Variants in LAMA1 observed in about 807,000 individuals in gnomAD.
The protein encoded by LAMA1 is laminin subunit alpha 1, also known as laminin subunit alpha-1.
LAMA1 carries 219 observed loss-of-function variants against 348.7 expected under a neutral mutation model. The observed-to-expected ratio is 0.63, with a 90% CI of 0.56 to 0.70. The LOEUF is 0.70. Ranked by LOEUF, LAMA1 falls within the 30% of genes least tolerant of loss-of-function variation. LAMA1 has a pLI of 0.00. For missense variants in LAMA1, 3,744 were observed against 3,888.0 expected (o/e 0.96, Z 0.99); for synonymous variants, 1,487 against 1,491.0 (o/e 1.00, Z 0.06).
At position 6,986,219 on chromosome 18, in the gene LAMA1, G is replaced by A. The variant is rs772645456; in HGVS notation, c.5297C>T (p.Ala1766Val). 9.9e-6 allele frequency: 16 copies of A among 1,614,040 alleles called. No homozygotes were observed. Among genetic ancestry groups the A allele is most frequent in the South Asian group, 2.2e-5 (2 of 91,088 alleles). The change falls in exon 37 of 63, where the codon GCG becomes GTG. Residue 1766 changes from alanine to valine, a missense_variant. Ala to Val is a moderately conservative substitution (Grantham distance 64). Around this residue, in one of 3 missense-constraint regions of LAMA1, gnomAD observed 1,983 missense variants for 1,934.3 expected, o/e 1.03. Coordinates refer to ENST00000389658, the MANE Select transcript of LAMA1 (RefSeq NM_005559.4). ...KHNNELKAAE[A>V]LVREAEAKMQ... ...CTTTGCCTCAGCTTCCCTCACGAGC[G>A]CCTCAGCCGCCTTTAGTTCATTGTT...
At chr18:7,027,963 A>G (rs1418288394) in intron 16 of LAMA1, among the ~76,000 whole-genome samples, 1 of 152,168 alleles carries the variant, frequency 6.6e-6, no homozygotes, top group Non-Finnish European at 1.5e-5. Context: ...CAAAAAAGCT[A>G]TTATAAGCAT....
intron 3 of LAMA1, among the ~76,000 whole-genome samples, chr18:7,073,654 G>A (rs1238478179): frequency 6.6e-6 from 1 of 152,144 alleles, no homozygotes; most frequent in Non-Finnish European, 1.5e-5. Flanking sequence ...CCATTCACCT[G>A]TTGATGGTTG....
At chr18:6,951,019 C>A in intron 57 of LAMA1, 48 bp from the exon 58 acceptor site, 2 of 1,552,156 alleles carry the variant, frequency 1.3e-6, no homozygotes, top group Non-Finnish European at 1.8e-6. Flanking sequence ...TTTTACTTTT[C>A]ATTTTTAAAA....
chr18:6,976,116 G>A (rs2057680935), intron 44 of LAMA1, 36 bp from the exon 45 acceptor site: 1 of 1,611,690 alleles, frequency 6.2e-7, no homozygotes, highest in African/African-American at 1.3e-5. Context: ...CCATCATTTA[G>A]TGACACACAC....
chr18:7,116,972 C>G (rs1170917854), intron 1 of LAMA1, among the ~76,000 whole-genome samples: 1 of 152,090 alleles, frequency 6.6e-6, no homozygotes, highest in Non-Finnish European at 1.5e-5. Flanking sequence ...CGCCCACGGT[C>G]AATCCCGCGC....
chr18:6,950,981 A>C lies in LAMA1; in HGVS notation c.8208-10T>G. The C allele has an allele frequency of 1.2e-6, 2 of 1,612,798 alleles. 1 individual carries two copies. Among genetic ancestry groups the C allele is most frequent in the Non-Finnish European group, 1.7e-6 (2 of 1,179,586 alleles). ...TAGCTCAACCGAGAGCCTGGGGAAAACAAGTGCTCAGCGTTGAGAAAGGAA... is the reference window on the plus strand; with the variant it reads ...TAGCTCAACCGAGAGCCTGGGGAAACCAAGTGCTCAGCGTTGAGAAAGGAA... On this transcript the variant is annotated splice_polypyrimidine_tract_variant and intron_variant, in intron 57 of 62. Transcript: ENST00000389658.
chr18:7,004,306 GC>G (rs1289426847), intron 29 of LAMA1, among the ~76,000 whole-genome samples: 5 of 152,176 alleles, frequency 3.3e-5, no homozygotes, highest in African/African-American at 9.7e-5. Flanking sequence ...CCAGGCTACC[GC>G]CCTTGTCCTC....
chr18:6,943,192 C>T lies in LAMA1; in HGVS notation c.9055G>A (p.Gly3019Ser). 6.2e-7 allele frequency: 1 copy of T among 1,614,186 alleles called. No homozygotes were observed. Among genetic ancestry groups the T allele is most frequent in the Non-Finnish European group, 8.5e-7 (1 of 1,180,022 alleles). ...SVDTNNPIYV[G>S]GYPAGVKQKC... ...TACCCGTACATACCAGGATAGCCAC[C>T]AACATAAATGGGATTGTTGGTGTCC... The change falls in exon 62 of 63, where the codon GGT becomes AGT. Residue 3019 changes from glycine to serine, a missense_variant. Physicochemically the swap from Gly to Ser is moderately conservative, Grantham distance 56. Coordinates refer to ENST00000389658, the MANE Select transcript of LAMA1 (RefSeq NM_005559.4).
At chr18:7,008,095 A>G (rs2057841529) in intron 28 of LAMA1, among the ~76,000 whole-genome samples, 1 of 151,958 alleles carries the variant, frequency 6.6e-6, no homozygotes, top group Non-Finnish European at 1.5e-5. Flanking sequence ...ATGCATATAT[A>G]TATATCATAT....
chr18:6,996,136 T>C (rs2057780212), intron 33 of LAMA1, among the ~76,000 whole-genome samples: 1 of 152,182 alleles, frequency 6.6e-6, no homozygotes, highest in Non-Finnish European at 1.5e-5. Context: ...ATATTCTTTT[T>C]TTTATAGAGG....
At chr18:7,004,106 A>T (rs2057820951) in intron 29 of LAMA1, among the ~76,000 whole-genome samples, 1 of 152,196 alleles carries the variant, frequency 6.6e-6, no homozygotes, top group Non-Finnish European at 1.5e-5. Flanking sequence ...CTCCCTAGAG[A>T]AGCAAAGACA....
At chr18:6,962,209 C>G (rs568956654) in intron 51 of LAMA1, 150 bp from the exon 52 acceptor site, 1 of 692,674 alleles carries the variant, frequency 1.4e-6, no homozygotes, top group Admixed American at 2.4e-5. Context: ...ATTACCTAAG[C>G]CCACGAGTTT....
chr18:7,038,716 G>A (rs751691881), intron 11 of LAMA1, 94 bp downstream of exon 11: 13 of 1,522,140 alleles, frequency 8.5e-6, no homozygotes, highest in Non-Finnish European at 1.2e-5. Context: ...GGTGTCACGG[G>A]AAGTCATCCT....
intron 16 of LAMA1, among the ~76,000 whole-genome samples, chr18:7,027,896 T>A: frequency 6.6e-6 from 1 of 151,942 alleles, no homozygotes; most frequent in Non-Finnish European, 1.5e-5. Context: ...TGAGCCAAGA[T>A]CACGTGACTG....
At chr18:7,011,605 A>T (rs979370234) in intron 24 of LAMA1, 126 bp from the exon 25 acceptor site, 7 of 1,009,834 alleles carry the variant, frequency 6.9e-6, no homozygotes, top group Non-Finnish European at 1.1e-5. Flanking sequence ...AACAGTAAAG[A>T]CTTTTCCTTT....
chr18:7,070,200 A>C (rs542783369), intron 3 of LAMA1, among the ~76,000 whole-genome samples: 2 of 152,342 alleles, frequency 1.3e-5, no homozygotes, highest in South Asian at 4.2e-4. Flanking sequence ...TTACCAAGCA[A>C]ATTCAAGAAA....
At chr18:7,061,884 C>A (rs2058103149) in intron 3 of LAMA1, among the ~76,000 whole-genome samples, 2 of 152,134 alleles carry the variant, frequency 1.3e-5, no homozygotes, top group Non-Finnish European at 2.9e-5. Flanking sequence ...TGAGAACAGC[C>A]TGCACGGGAA....
chr18:6,979,105 AC>A (rs2057696606), intron 42 of LAMA1, among the ~76,000 whole-genome samples: 1 of 152,204 alleles, frequency 6.6e-6, no homozygotes, highest in Admixed American at 6.5e-5. Context: ...TTTTCCTGAA[AC>A]TTTTCTGTAG....
intron 44 of LAMA1, among the ~76,000 whole-genome samples, chr18:6,977,189 C>G (rs2057686536): frequency 6.6e-6 from 1 of 152,216 alleles, no homozygotes; most frequent in South Asian, 2.1e-4. Context: ...AACATCTTCT[C>G]ATGTGTGAAC....
Sources: allele counts gnomAD v4.1 joint callset (sites outside exome capture counted in the v4.1 genomes callset), GRCh38; gene constraint gnomAD v4.1.1; regional missense constraint gnomAD v4.1.1; transcripts MANE v1.5; gene names NCBI Gene and HGNC (gene_info 2026-07-23, HGNC 2026-07-21).